Variants in ASIC2 observed in about 807,000 individuals in gnomAD.
ASIC2 encodes acid-sensing ion channel 2.
ASIC2 carries 25 observed loss-of-function variants against 57.3 expected under a neutral mutation model. The observed-to-expected ratio is 0.44, with a 90% CI of 0.32 to 0.61. ASIC2 has a LOEUF of 0.61. Among genes scored for constraint, ASIC2 ranks in the 20% least tolerant of loss-of-function variants. ASIC2 has a pLI of 0.06. For synonymous variants in ASIC2, 319 were observed against 307.5 expected (o/e 1.04, Z -0.39); for missense variants, 641 against 738.1 (o/e 0.87, Z 1.52).
intron 1 of ASIC2, among the ~76,000 whole-genome samples, chr17:33,529,587 A>G (rs116350381): frequency 0.016 from 2,402 of 152,326 alleles, 75 homozygotes; most frequent in African/African-American, 0.055. Context: ...TTTGGACTCC[A>G]GCATTGAGGC....
At chr17:33,121,741 T>G (rs1567752707) in intron 1 of ASIC2, among the ~76,000 whole-genome samples, 1 of 152,002 alleles carries the variant, frequency 6.6e-6, no homozygotes, top group Non-Finnish European at 1.5e-5. Flanking sequence ...GGAGTCAGAT[T>G]ATGCTGGCTG....
chr17:33,817,253 T>C (rs1001907111), intron 1 of ASIC2, among the ~76,000 whole-genome samples: 14 of 152,270 alleles, frequency 9.2e-5, no homozygotes, highest in South Asian at 2.1e-4. Context: ...CCTCATGCTC[T>C]GAGACGTGCT....
chr17:33,253,055 C>T (rs941498845), intron 1 of ASIC2, among the ~76,000 whole-genome samples: 8 of 152,156 alleles, frequency 5.3e-5, no homozygotes, highest in African/African-American at 1.7e-4. Flanking sequence ...TGCTGGACAC[C>T]GTGTTAATGC....
At chr17:34,080,847 T>C (rs1909852121) in intron 1 of ASIC2, 1 of 152,172 alleles carries the variant, frequency 6.6e-6, no homozygotes, top group African/African-American at 2.4e-5. Context: ...TTCAGACACA[T>C]AGTTGCTTTA....
intron 1 of ASIC2, among the ~76,000 whole-genome samples, chr17:33,325,977 A>G (rs1907061806): frequency 6.6e-6 from 1 of 152,134 alleles, no homozygotes; most frequent in African/African-American, 2.4e-5. Flanking sequence ...AGAATATTAT[A>G]AATTCTGTTT....
intron 1 of ASIC2, chr17:34,069,390 T>G (rs1909312480): frequency 6.6e-6 from 1 of 152,082 alleles, no homozygotes; most frequent in Non-Finnish European, 1.5e-5. Flanking sequence ...TCTCTTTCTT[T>G]TTTTCCTTCT....
At chr17:33,219,830 T>C (rs1907628807) in intron 1 of ASIC2, among the ~76,000 whole-genome samples, 1 of 152,170 alleles carries the variant, frequency 6.6e-6, no homozygotes. Context: ...CCTAGTCAAG[T>C]CTGACTTGCT....
At chr17:33,600,395 T>C (rs1830625465) in intron 1 of ASIC2, among the ~76,000 whole-genome samples, 1 of 152,144 alleles carries the variant, frequency 6.6e-6, no homozygotes, top group Non-Finnish European at 1.5e-5. Flanking sequence ...AAATTTCTGT[T>C]TATTATAAAT....
At chr17:33,367,681 C>T (rs1019024561) in intron 1 of ASIC2, among the ~76,000 whole-genome samples, 1 of 152,164 alleles carries the variant, frequency 6.6e-6, no homozygotes, top group African/African-American at 2.4e-5. Flanking sequence ...CATTAACAGG[C>T]TTGCTTTTCA....
intron 1 of ASIC2, among the ~76,000 whole-genome samples, chr17:33,400,963 A>G (rs1910264318): frequency 6.6e-6 from 1 of 152,202 alleles, no homozygotes; most frequent in Non-Finnish European, 1.5e-5. Context: ...AAAACAACAC[A>G]GATTTATTTC....
intron 1 of ASIC2, among the ~76,000 whole-genome samples, chr17:33,503,780 C>G (rs775119122): frequency 6.6e-5 from 10 of 152,200 alleles, no homozygotes; most frequent in Non-Finnish European, 1.2e-4. Flanking sequence ...AAGCCACAGT[C>G]TTTTTCTGAA....
chr17:33,847,049 G>T (rs1184534054), intron 1 of ASIC2, among the ~76,000 whole-genome samples: 1 of 151,970 alleles, frequency 6.6e-6, no homozygotes, highest in Non-Finnish European at 1.5e-5. Flanking sequence ...AGCAGGAGGA[G>T]TCTCCAGTTC....
intron 1 of ASIC2, among the ~76,000 whole-genome samples, chr17:33,575,456 C>A (rs1916589140): frequency 6.6e-6 from 1 of 152,086 alleles, no homozygotes; most frequent in Admixed American, 6.5e-5. Context: ...AATAATAACA[C>A]CCAGGAAGAG....
intron 1 of ASIC2, among the ~76,000 whole-genome samples, chr17:33,571,533 C>T (rs1327317539): frequency 1.3e-5 from 2 of 152,228 alleles, no homozygotes; most frequent in East Asian, 3.9e-4. Context: ...CCTCTCCCAG[C>T]TCCTGTCACT....
Position 33,349,859 on chromosome 17 carries a change from C to G in ASIC2, c.556-237792G>C, listed in dbSNP as rs145273835. 5.9e-5 allele frequency among the ~76,000 whole-genome samples: 9 copies of G among 152,180 alleles called. No individual in the cohort carries two copies. In the East Asian group the frequency reaches 1.7e-3, roughly 29 times the overall value. ...CCCACTTGTTTCATTCTTTGTGTCA[C>G]TTCCAGCACTGACTAGTAGATAAGT... On this transcript the variant is annotated intron_variant, in intron 1 of 9. Transcript: ENST00000359872.
At chr17:33,594,577 C>T (rs932066930) in intron 1 of ASIC2, among the ~76,000 whole-genome samples, 2 of 152,122 alleles carry the variant, frequency 1.3e-5, no homozygotes, top group Non-Finnish European at 2.9e-5. Context: ...ACCTGTAATC[C>T]CAGCACTGTG....
intron 1 of ASIC2, among the ~76,000 whole-genome samples, chr17:33,277,767 A>C (rs1003379157): frequency 6.6e-6 from 1 of 152,164 alleles, no homozygotes; most frequent in African/African-American, 2.4e-5. Flanking sequence ...CTCCTGCTGC[A>C]GTTTTTTCCC....
intron 1 of ASIC2, chr17:34,118,508 T>C (rs185282642): frequency 1.6e-4 from 25 of 152,338 alleles, no homozygotes; most frequent in South Asian, 4.1e-4. Flanking sequence ...GCAGTCACCA[T>C]GCACTGCCCG....
At chr17:33,502,495 G>A (rs1016928533) in intron 1 of ASIC2, among the ~76,000 whole-genome samples, 4 of 152,180 alleles carry the variant, frequency 2.6e-5, no homozygotes, top group African/African-American at 9.7e-5. Flanking sequence ...TTGGAGCAAA[G>A]AGGGCTTCCA....
Sources: gnomAD v4.1 joint callset for allele counts (sites outside exome capture counted in the v4.1 genomes callset) on GRCh38, gnomAD v4.1.1 for gene constraint, MANE v1.5 for transcripts, NCBI Gene and HGNC (gene_info 2026-07-23, HGNC 2026-07-21) for gene names.